Variants in WWOX observed in about 807,000 individuals in gnomAD.
The protein encoded by WWOX is WW domain-containing oxidoreductase.
In WWOX, 69 loss-of-function variants were observed where a neutral mutation model predicts 46.2. The ratio of observed to expected loss-of-function variants is 1.49; its 90% confidence interval spans 1.23 to 1.82. WWOX has a LOEUF of 1.82. WWOX is among the 40% of genes most tolerant of loss of function. The pLI is 0.00. For missense variants in WWOX, 919 were observed against 542.6 expected (o/e 1.69, Z -6.89); for synonymous variants, 359 against 202.6 (o/e 1.77, Z -6.56).
intron 8 of WWOX, among the ~76,000 whole-genome samples, chr16:79,122,920 C>T (rs556947913): frequency 6.6e-6 from 1 of 152,198 alleles, no homozygotes; most frequent in Non-Finnish European, 1.5e-5. Flanking sequence ...GTCTCTGAGG[C>T]AGCAATGGGA....
intron 8 of WWOX, among the ~76,000 whole-genome samples, chr16:79,109,696 T>C (rs2049379870): frequency 6.6e-6 from 1 of 152,208 alleles, no homozygotes; most frequent in Non-Finnish European, 1.5e-5. Context: ...ATCTCTAAAT[T>C]ATGATATTCA....
intron 8 of WWOX, among the ~76,000 whole-genome samples, chr16:78,803,236 G>C (rs1315945363): frequency 2.0e-5 from 3 of 150,104 alleles, no homozygotes; most frequent in Non-Finnish European, 3.0e-5. Context: ...CTATGAAGAA[G>C]TGAGAGTTTT....
chr16:78,664,194 A>T (rs568489589), intron 8 of WWOX, among the ~76,000 whole-genome samples: 3 of 152,316 alleles, frequency 2.0e-5, no homozygotes, highest in Middle Eastern at 3.4e-3. Flanking sequence ...AGAAAACAGG[A>T]TGGATTCAGG....
At chr16:78,919,747 C>A (rs1179960381) in intron 8 of WWOX, among the ~76,000 whole-genome samples, 7 of 152,058 alleles carry the variant, frequency 4.6e-5, no homozygotes, top group African/African-American at 1.7e-4. Flanking sequence ...GAACTCGTGA[C>A]CTCATGATCC....
At chr16:78,808,129 G>A (rs2051091417) in intron 8 of WWOX, among the ~76,000 whole-genome samples, 1 of 152,128 alleles carries the variant, frequency 6.6e-6, no homozygotes, top group South Asian at 2.1e-4. Context: ...ACTCCCTGTA[G>A]TCAACCCCAC....
At chr16:79,033,455 G>T (rs868461944) in intron 8 of WWOX, among the ~76,000 whole-genome samples, 1 of 150,646 alleles carries the variant, frequency 6.6e-6, no homozygotes, top group African/African-American at 2.5e-5. Flanking sequence ...TCTTTATCCA[G>T]AATAAACTAT....
chr16:78,820,985 G>A (rs1044909380), intron 8 of WWOX, among the ~76,000 whole-genome samples: 1 of 152,024 alleles, frequency 6.6e-6, no homozygotes. Flanking sequence ...TTGGACTTAG[G>A]ACCCACCTAA....
intron 8 of WWOX, among the ~76,000 whole-genome samples, chr16:78,483,843 C>T (rs569195959): frequency 6.6e-6 from 1 of 152,174 alleles, no homozygotes; most frequent in South Asian, 2.1e-4. Context: ...TGAGAAGAGC[C>T]AGCATCATGA....
At chr16:78,207,744 A>G (rs2036439609) in intron 5 of WWOX, among the ~76,000 whole-genome samples, 1 of 146,932 alleles carries the variant, frequency 6.8e-6, no homozygotes, top group African/African-American at 2.6e-5. Flanking sequence ...CCTGGGTGAC[A>G]GAGGAAGACC....
At chr16:78,291,742 A>G (rs1465765063) in intron 5 of WWOX, among the ~76,000 whole-genome samples, 1 of 152,180 alleles carries the variant, frequency 6.6e-6, no homozygotes, top group African/African-American at 2.4e-5. Context: ...CAAAATTAGC[A>G]CTTTATCAAG....
chr16:78,750,573 T>A (rs1472663349), intron 8 of WWOX, among the ~76,000 whole-genome samples: 1 of 152,180 alleles, frequency 6.6e-6, no homozygotes, highest in Non-Finnish European at 1.5e-5. Flanking sequence ...TGGGCTTCAA[T>A]TGAACCCATC....
chr16:78,874,723 C>G (rs182089793), intron 8 of WWOX, among the ~76,000 whole-genome samples: 12 of 111,544 alleles, frequency 1.1e-4, no homozygotes, highest in Admixed American at 1.1e-3. Context: ...ACTGTCATGA[C>G]TTAGTAAGGC....
chr16:78,102,322 C>T (rs1188964048), intron 1 of WWOX, among the ~76,000 whole-genome samples: 1 of 152,098 alleles, frequency 6.6e-6, no homozygotes, highest in Admixed American at 6.5e-5. Flanking sequence ...GGCCTGTGAT[C>T]TTTGTGAGGG....
intron 8 of WWOX, among the ~76,000 whole-genome samples, chr16:78,935,882 G>A (rs184097048): frequency 2.4e-4 from 37 of 152,034 alleles, no homozygotes; most frequent in South Asian, 2.3e-3. Flanking sequence ...ACTGCACTTC[G>A]GCCTGGGTGA....
At chr16:78,874,220 C>T (rs2044187226) in intron 8 of WWOX, among the ~76,000 whole-genome samples, 1 of 148,946 alleles carries the variant, frequency 6.7e-6, no homozygotes, top group Non-Finnish European at 1.5e-5. Flanking sequence ...GGCGCCGCTG[C>T]ACTCTAGCAT....
chr16:78,737,730 T>A (rs571003131), intron 8 of WWOX, among the ~76,000 whole-genome samples: 15 of 152,274 alleles, frequency 9.9e-5, no homozygotes, highest in African/African-American at 3.6e-4. Context: ...GATGTCCTGG[T>A]CCTTTGCTGA....
intron 8 of WWOX, among the ~76,000 whole-genome samples, chr16:78,900,598 C>T (rs942419289): frequency 6.6e-6 from 1 of 152,128 alleles, no homozygotes; most frequent in African/African-American, 2.4e-5. Context: ...ACACAAACCA[C>T]AAAGTCATAA....
intron 8 of WWOX, among the ~76,000 whole-genome samples, chr16:78,628,238 A>T (rs1019784918): frequency 3.3e-5 from 5 of 152,150 alleles, no homozygotes; most frequent in African/African-American, 1.2e-4. Context: ...CCAACTAAGG[A>T]GTAAGGCCTC....
At chr16:78,145,377 G>C (rs1325074370) in intron 4 of WWOX, among the ~76,000 whole-genome samples, 1 of 152,146 alleles carries the variant, frequency 6.6e-6, no homozygotes, top group Non-Finnish European at 1.5e-5. Context: ...AAGGCCCCAA[G>C]AGCCCCTGGC....
Sources: allele counts gnomAD v4.1 joint callset (sites outside exome capture counted in the v4.1 genomes callset), GRCh38; gene constraint gnomAD v4.1.1; transcripts MANE v1.5; gene names NCBI Gene and HGNC (gene_info 2026-07-23, HGNC 2026-07-21).